HEXA: variants seen among roughly 807,000 people sequenced by gnomAD.
The protein encoded by HEXA is hexosaminidase subunit alpha.
A neutral mutation model predicts 73.3 loss-of-function variants in HEXA; 54 were observed. That is an observed-to-expected ratio of 0.74 (90% CI 0.59 to 0.92). The LOEUF is 0.92. HEXA is among the 40% of genes least tolerant of loss of function. HEXA has a pLI of 0.00. For synonymous variants in HEXA, 230 were observed against 246.9 expected (o/e 0.93, Z 0.64); for missense variants, 649 against 653.0 (o/e 0.99, Z 0.07).
At chr15:72,359,688 T>C (rs2140331190) in intron 1 of HEXA, 1 of 58,740 alleles carries the variant, frequency 1.7e-5, no homozygotes, top group East Asian at 4.8e-4. Context: ...AGAGTGAAAC[T>C]GTCTCAAAAA....
In HEXA at chr15:72,364,728, T is replaced by TC. The variant is rs1371222492; in HGVS notation, c.254-8112dup. On this transcript the variant is annotated intron_variant, in intron 1 of 13. Coordinates refer to ENST00000268097, the MANE Select transcript of HEXA (RefSeq NM_000520.6). Reference sequence around the variant, plus strand: ...CACATCTTTCCAACACTAGAACATCTCAATTCTTTTTCACCATTGCCAGCT... The same window carrying TC: ...CACATCTTTCCAACACTAGAACATCTCCAATTCTTTTTCACCATTGCCAGCT... Among the ~76,000 whole-genome samples the TC allele has an allele frequency of 3.3e-5, 5 of 152,104 alleles. No individual in the cohort carries two copies. The East Asian group carries it at 9.7e-4, about 29-fold the overall frequency.
intron 1 of HEXA, chr15:72,358,251 GC>G (rs2088810981): frequency 6.6e-6 from 1 of 152,154 alleles, no homozygotes; most frequent in South Asian, 2.1e-4. Context: ...GAATTCATCT[GC>G]ATATCTACCC....
At chr15:72,347,558 G>A (rs1423733026) in intron 10 of HEXA, 128 bp downstream of exon 10, 2 of 784,984 alleles carry the variant, frequency 2.5e-6, no homozygotes, top group Admixed American at 2.0e-5. Flanking sequence ...AGAGAGAAAA[G>A]GAGAGTGCTC....
intron 10 of HEXA, 43 bp downstream of exon 10, chr15:72,347,643 G>A (rs752708004): frequency 2.7e-6 from 4 of 1,485,142 alleles, no homozygotes; most frequent in Non-Finnish European, 3.8e-6. Flanking sequence ...AGACCAGAGG[G>A]AGGCACTGCT....
rs2088665931 is a variant in HEXA at position 72,349,389 on chromosome 15, G to C, written c.806-130C>G. Reference sequence around the variant, plus strand: ...ATAAACATCACACACATTTAGGTAGGCACACTTAGGCACTCACAGACACTG... The same window carrying C: ...ATAAACATCACACACATTTAGGTAGCCACACTTAGGCACTCACAGACACTG... On this transcript the variant is annotated intron_variant, in intron 7 of 13. Coordinates refer to ENST00000268097, the MANE Select transcript of HEXA (RefSeq NM_000520.6). The C allele has an allele frequency of 6.7e-6, 5 of 743,710 alleles. No homozygotes were observed. The East Asian group carries it at 1.0e-4, about 15-fold the overall frequency. 46.1% of individuals were successfully genotyped at this position (743,710 alleles called of 1,614,324 possible). A position where few individuals can be genotyped will look rare whatever the true frequency, so the allele number is the denominator to read the frequency against.
chr15:72,345,642 C>G, intron 12 of HEXA, 92 bp from the exon 13 acceptor site: 1 of 1,563,800 alleles, frequency 6.4e-7, no homozygotes, highest in Non-Finnish European at 8.6e-7. Context: ...TCTAGGCACC[C>G]TGGACTCACT....
chr15:72,347,771 G>A lies in HEXA; in HGVS notation c.1074-13C>T. 6.2e-7 allele frequency: 1 copy of A among 1,612,952 alleles called. No individual in the cohort carries two copies. Among genetic ancestry groups the A allele is most frequent in the Non-Finnish European group, 8.5e-7 (1 of 1,178,880 alleles). ...GATGTCCAGCAGCCTGGAGAGGAGA[G>A]GAGTGTCTAGTAAGTGTCTGCTTAG... On this transcript the variant is annotated splice_polypyrimidine_tract_variant and intron_variant, in intron 9 of 13. Coordinates refer to ENST00000268097, the MANE Select transcript of HEXA (RefSeq NM_000520.6).
chr15:72,346,190 C>T, intron 12 of HEXA, 45 bp downstream of exon 12: 2 of 1,437,694 alleles, frequency 1.4e-6, no homozygotes, highest in Non-Finnish European at 2.0e-6. Flanking sequence ...GGGAGAACTC[C>T]TGCTCTCAGG....
At chr15:72,365,152 C>G (rs985805893) in intron 1 of HEXA, among the ~76,000 whole-genome samples, 11 of 152,214 alleles carry the variant, frequency 7.2e-5, no homozygotes, top group African/African-American at 2.7e-4. Context: ...TGCAATGGCG[C>G]GATCTCGGCT....
At chr15:72,362,795 C>G (rs1384404993) in intron 1 of HEXA, among the ~76,000 whole-genome samples, 1 of 152,190 alleles carries the variant, frequency 6.6e-6, no homozygotes, top group Non-Finnish European at 1.5e-5. Flanking sequence ...ATCTTTACCT[C>G]AGTGCACAAT....
chr15:72,351,967 T>A (rs2088704371), intron 5 of HEXA, among the ~76,000 whole-genome samples: 1 of 151,902 alleles, frequency 6.6e-6, no homozygotes, highest in African/African-American at 2.4e-5. Flanking sequence ...ATTTATTTAT[T>A]TATTTATTTT....
chr15:72,343,227 AAAAT>A lies in HEXA; in HGVS notation c.*846_*849del, dbSNP rs1443071386. ...CAGTGAGACTCCGTCTCAGAAAAAA[AAAAT>A]ATATATATATGAATTAGATGGACAT... On this transcript the variant is annotated 3_prime_UTR_variant, in exon 14 of 14. Transcript: ENST00000268097. The A allele has an allele frequency of 6.6e-6, 1 of 151,992 alleles. No individual in the cohort carries two copies. Among genetic ancestry groups the A allele is most frequent in the African/African-American group, 2.4e-5 (1 of 41,368 alleles). 9.4% of individuals were successfully genotyped at this position (151,992 alleles called of 1,614,324 possible). A position where few individuals can be genotyped will look rare whatever the true frequency, so the allele number is the denominator to read the frequency against.
At position 72,373,459 on chromosome 15, in the gene HEXA, G is replaced by A. The variant is rs78077411; in HGVS notation, c.253+2261C>T. On this transcript the variant is annotated intron_variant, in intron 1 of 13. Coordinates refer to ENST00000268097, the MANE Select transcript of HEXA (RefSeq NM_000520.6). Reference sequence around the variant, plus strand: ...CAATAGAGAAAGAAGTTACTTTTAAGTCTTTGGTAATGTTCACCCAACCCA... The same window carrying A: ...CAATAGAGAAAGAAGTTACTTTTAAATCTTTGGTAATGTTCACCCAACCCA... 4.4e-3 allele frequency among the ~76,000 whole-genome samples: 672 copies of A among 152,292 alleles called. 4 individuals are homozygous for A. Among genetic ancestry groups the A allele is most frequent in the African/African-American group, 0.016 (653 of 41,548 alleles).
chr15:72,346,845 C>A, intron 10 of HEXA, 135 bp from the exon 11 acceptor site: 1 of 857,292 alleles, frequency 1.2e-6, no homozygotes. Flanking sequence ...CTCTGTGACT[C>A]CTGACCATTG....
chr15:72,346,458 C>T (rs953668823), intron 11 of HEXA, 69 bp downstream of exon 11: 3 of 1,552,030 alleles, frequency 1.9e-6, no homozygotes, highest in African/African-American at 2.7e-5. Flanking sequence ...TGGCCCAGAC[C>T]TTCCTGCCTC....
intron 5 of HEXA, among the ~76,000 whole-genome samples, chr15:72,352,680 T>TTTG (rs2088715878): frequency 1.3e-5 from 2 of 151,788 alleles, no homozygotes; most frequent in Non-Finnish European, 2.9e-5. Flanking sequence ...TTTTTTTTTT[T>TTTG]TGAGACAGCG....
Position 72,353,723 on chromosome 15 carries a change from T to G in HEXA, c.427A>C (p.Ser143Arg). 6.2e-7 allele frequency: 1 copy of G among 1,612,696 alleles called. No homozygotes were observed. ...TCAGCAGATTTCCAAACAAGCTGGC[T>G]AAAAGTCTCCAGACCTAGGAAGATG... Reference protein sequence around the residue: ...WGALRGLETFSQLVWKSAEGT... With the variant: ...WGALRGLETFRQLVWKSAEGT... Residue 143 changes from serine to arginine, a missense_variant, in exon 4 of 14, where the codon AGC (serine) becomes CGC (arginine). Coordinates refer to ENST00000268097, the MANE Select transcript of HEXA (RefSeq NM_000520.6).
rs1434736749 is a variant in HEXA, at chr15:72,341,295, T to G, written c.*2782A>C. On this transcript the variant is annotated 3_prime_UTR_variant, in exon 14 of 14. Coordinates refer to ENST00000268097, the MANE Select transcript of HEXA (RefSeq NM_000520.6). ...CTGTGGTGGCACCTGTGCTCCCACA[T>G]CCTGATATCCTACCCCTACGGCAAT... is the stretch of plus-strand genomic sequence containing the variant. 6 of 152,136 alleles carry G rather than the reference T, an allele frequency of 3.9e-5. No homozygotes were observed. The highest frequency in any genetic ancestry group is 8.8e-5 in the Non-Finnish European group (6 of 68,038). The allele number at this position is 152,136 out of a possible 1,614,324, so 9.4% of individuals were successfully genotyped here.
At chr15:72,345,670 T>G in intron 12 of HEXA, 120 bp from the exon 13 acceptor site, 1 of 1,523,002 alleles carries the variant, frequency 6.6e-7, no homozygotes, top group Non-Finnish European at 8.8e-7. Context: ...AAGGAAGTGA[T>G]CAATACCTTG....
Sources: gnomAD v4.1 joint callset for allele counts (sites outside exome capture counted in the v4.1 genomes callset) on GRCh38, gnomAD v4.1.1 for gene constraint, MANE v1.5 for transcripts, NCBI Gene and HGNC (gene_info 2026-07-23, HGNC 2026-07-21) for gene names.